XKR7: variants seen among roughly 807,000 people sequenced by gnomAD.
XKR7 encodes the protein XK-related protein 7.
A neutral mutation model predicts 42.2 loss-of-function variants in XKR7; 11 were observed. The ratio of observed to expected loss-of-function variants is 0.26; its 90% confidence interval spans 0.16 to 0.43. The LOEUF (loss-of-function observed/expected upper bound fraction) is 0.43, where lower values mean the gene tolerates loss of function less well. XKR7 is among the 20% of genes least tolerant of loss of function. XKR7 has a pLI of 1.00. For missense variants in XKR7, 710 were observed against 802.2 expected (o/e 0.89, Z 1.39); for synonymous variants, 346 against 366.4 (o/e 0.94, Z 0.64).
rs766713662 is a variant in XKR7 at position 31,996,650 on chromosome 20, C to T, written c.933C>T (p.Ala311=). ...TGCTGTGGCACCTGTTCAGCATTGC[C>T]GCCCGCGGCCTGGCCTTCGCGCTCT... The part of the protein sequence containing the change: ...AQVLWHLFSI[A]ARGLAFALFA... The change falls in exon 3 of 3, where the codon GCC becomes GCT. Residue 311 remains alanine (A), a synonymous_variant. Coordinates refer to ENST00000562532, the MANE Select transcript of XKR7 (RefSeq NM_001011718.2). 1.5e-5 allele frequency: 24 copies of T among 1,594,104 alleles called. No homozygotes were observed. The highest frequency in any genetic ancestry group is 2.2e-5 in the East Asian group (1 of 44,644).
chr20:31,983,714 A>G (rs2064524200), intron 1 of XKR7, among the ~76,000 whole-genome samples: 2 of 152,198 alleles, frequency 1.3e-5, no homozygotes, highest in African/African-American at 4.8e-5. Context: ...TGGGAGGCCG[A>G]GGCAGGCGGA....
At position 31,996,839 on chromosome 20, in the gene XKR7, C is replaced by A. The variant is rs367920055; in HGVS notation, c.1122C>A (p.Asn374Lys). 5 of 1,613,648 alleles carry A rather than the reference C, an allele frequency of 3.1e-6. No individual in the cohort carries two copies. The African/African-American group carries it at 5.3e-5, about 17-fold the overall frequency. Residue 374 changes from asparagine (N) to lysine (K), a missense_variant, in exon 3 of 3, where the codon AAC (asparagine) becomes AAA (lysine). Physicochemically the swap from Asn to Lys is moderately conservative, Grantham distance 94. Transcript: ENST00000562532. ...VGIIYIFCWFNVKEGRSRRRM... is the reference protein window; with the variant it reads ...VGIIYIFCWFKVKEGRSRRRM... ...TCATCTACATCTTCTGCTGGTTCAA[C>A]GTCAAGGAGGGCCGCAGCCGCCGCC...
intron 1 of XKR7, among the ~76,000 whole-genome samples, chr20:31,974,021 G>A (rs746129199): frequency 2.0e-5 from 3 of 151,918 alleles, no homozygotes; most frequent in East Asian, 1.9e-4. Flanking sequence ...GGTGAAAGCC[G>A]GTCTCTACTA....
In XKR7 at chr20:31,995,513, G is replaced by A. The variant is rs549989257; in HGVS notation, c.787+243G>A. Among the ~76,000 whole-genome samples the A allele has an allele frequency of 2.0e-5, 3 of 151,896 alleles. No homozygotes were observed. The highest frequency in any genetic ancestry group is 3.9e-4 in the East Asian group (2 of 5,136). ...AGGGACCTGGCCCCTCCACTCCCTC[G>A]ACACCCATCAGCCCCCCTGGGCGCT... On this transcript the variant is annotated intron_variant, in intron 2 of 2. Coordinates refer to ENST00000562532, the MANE Select transcript of XKR7 (RefSeq NM_001011718.2). The surrounding 1 kb of genome is among the most constrained non-coding windows in gnomAD (Gnocchi z 4.1).
intron 1 of XKR7, among the ~76,000 whole-genome samples, chr20:31,992,744 G>A (rs2064575304): frequency 6.6e-6 from 1 of 152,088 alleles, no homozygotes; most frequent in Non-Finnish European, 1.5e-5. Flanking sequence ...GGATGTTCCT[G>A]GCCTCATTTT....
chr20:31,994,749 G>A (rs527684371), intron 1 of XKR7, among the ~76,000 whole-genome samples: 1 of 152,254 alleles, frequency 6.6e-6, no homozygotes, highest in African/African-American at 2.4e-5. Context: ...GCTATTGTAA[G>A]CTCAGCGCAC....
At position 31,999,044 on chromosome 20, in the gene XKR7, A is replaced by ACCCCCCCCC. The variant is rs1568895998; in HGVS notation, c.*1588_*1589insCCCCCCCCC. ...AACCCAACCCACCCCCCACCCCCCC[A>ACCCCCCCCC]CACACACACTCCCACAGCAACTTAG... On this transcript the variant is annotated 3_prime_UTR_variant, in exon 3 of 3. Coordinates refer to ENST00000562532, the MANE Select transcript of XKR7 (RefSeq NM_001011718.2). 1 of 109,706 alleles carries ACCCCCCCCC rather than the reference A, an allele frequency of 9.1e-6. No individual in the cohort carries two copies. The highest frequency in any genetic ancestry group is 1.9e-5 in the Non-Finnish European group (1 of 53,738). 6.8% of individuals were successfully genotyped at this position (109,706 alleles called of 1,614,324 possible).
At chr20:31,990,832 C>T (rs2064567282) in intron 1 of XKR7, among the ~76,000 whole-genome samples, 1 of 152,092 alleles carries the variant, frequency 6.6e-6, no homozygotes, top group African/African-American at 2.4e-5. Context: ...TCTCACAGGC[C>T]CTTGGCAGAG....
At position 31,996,591 on chromosome 20, in the gene XKR7, C is replaced by G; in HGVS notation, c.874C>G (p.Arg292Gly). 1 of 1,547,370 alleles carries G rather than the reference C, an allele frequency of 6.5e-7. No individual in the cohort carries two copies. The highest frequency in any genetic ancestry group is 8.7e-7 in the Non-Finnish European group (1 of 1,149,324). Residue 292 changes from arginine (R) to glycine (G), a missense_variant, in exon 3 of 3, where the codon CGG (arginine) becomes GGG (glycine). By Grantham distance (125) the Arg-to-Gly change is moderately radical. Coordinates refer to ENST00000562532, the MANE Select transcript of XKR7 (RefSeq NM_001011718.2). ...KVLRDSRDDK[R>G]PLSYKGAVAQ... ...GCTGCGGGACTCGCGGGACGACAAG[C>G]GGCCGCTGTCCTACAAGGGCGCCGT...
At position 31,999,834 on chromosome 20, in the gene XKR7, G is replaced by T. The variant is rs1324861109; in HGVS notation, c.*2377G>T. 12 of 152,274 alleles carry T rather than the reference G, an allele frequency of 7.9e-5. No individual in the cohort carries two copies. The highest frequency in any genetic ancestry group is 7.9e-4 in the Admixed American group (12 of 15,282). 9.4% of individuals were successfully genotyped at this position (152,274 alleles called of 1,614,324 possible). A position where few individuals can be genotyped will look rare whatever the true frequency, so the allele number is the denominator to read the frequency against. ...CCTTGGCAAGTTATTCTCCTCCCCAGTATCCCAGAATGGCCCATCTGGCTG... is the reference window on the plus strand; with the variant it reads ...CCTTGGCAAGTTATTCTCCTCCCCATTATCCCAGAATGGCCCATCTGGCTG... On this transcript the variant is annotated 3_prime_UTR_variant, in exon 3 of 3. Transcript: ENST00000562532.
intron 1 of XKR7, among the ~76,000 whole-genome samples, chr20:31,972,681 G>A (rs955125972): frequency 6.6e-6 from 1 of 152,154 alleles, no homozygotes. Context: ...AGTGGGAGAC[G>A]ATCTGACATG....
In XKR7 at chr20:31,995,239, G is replaced by A; in HGVS notation, c.756G>A (p.Val252=). ...PQLVLQLSLL[V]HRGGAPDLLP... The stretch of plus-strand genomic sequence containing the variant: ...TAGTGCTGCAGCTCAGCCTGCTGGT[G>A]CACCGCGGTGGCGCGCCCGACCTGC... The change falls in exon 2 of 3, where the codon GTG becomes GTA. Residue 252 remains valine, a synonymous_variant. Coordinates refer to ENST00000562532, the MANE Select transcript of XKR7 (RefSeq NM_001011718.2). This position sits in a 1 kb window ranked among gnomAD's most constrained non-coding sequence, Gnocchi z 4.1. 1.3e-6 allele frequency: 2 copies of A among 1,540,300 alleles called. No individual in the cohort carries two copies. Among genetic ancestry groups the A allele is most frequent in the South Asian group, 1.2e-5 (1 of 83,760 alleles).
chr20:31,974,206 T>A (rs2064476157), intron 1 of XKR7, among the ~76,000 whole-genome samples: 1 of 151,248 alleles, frequency 6.6e-6, no homozygotes, highest in African/African-American at 2.4e-5. Context: ...AGAAAAAGCA[T>A]AAAAAAGAGA....
At chr20:31,990,761 C>T (rs2064566846) in intron 1 of XKR7, among the ~76,000 whole-genome samples, 1 of 150,884 alleles carries the variant, frequency 6.6e-6, no homozygotes, top group South Asian at 2.1e-4. Context: ...TAGTTTTTCC[C>T]TGTGTTTTGG....
chr20:31,987,880 A>C (rs1449984169), intron 1 of XKR7, among the ~76,000 whole-genome samples: 1 of 152,260 alleles, frequency 6.6e-6, no homozygotes, highest in Non-Finnish European at 1.5e-5. Context: ...CCACAGTCCA[A>C]GGGACAGGAT....
intron 1 of XKR7, among the ~76,000 whole-genome samples, chr20:31,977,705 G>T (rs1049799921): frequency 3.3e-5 from 5 of 152,168 alleles, no homozygotes; most frequent in African/African-American, 9.7e-5. Context: ...ACCCCCTATC[G>T]AGGAAGGAGA....
chr20:31,996,420 G>C (rs2064591514), intron 2 of XKR7, 85 bp from the exon 3 acceptor site: 5 of 1,024,594 alleles, frequency 4.9e-6, no homozygotes, highest in South Asian at 2.0e-5. Flanking sequence ...CCCAGCTCCT[G>C]ACCCAGAACC....
chr20:31,968,537 G>T lies in XKR7; in HGVS notation c.362G>T (p.Gly121Val), dbSNP rs920686009. Residue 121 changes from glycine (G) to valine (V), a missense_variant, in exon 1 of 3, where the codon GGG becomes GTG. By Grantham distance (109) the Gly-to-Val change is moderately radical. Coordinates refer to ENST00000562532, the MANE Select transcript of XKR7 (RefSeq NM_001011718.2). The surrounding 1 kb of genome is among the most constrained non-coding windows in gnomAD (Gnocchi z 4.5). ...GTCTACGACTACTCGGAGCCCGCAG[G>T]GTCCCCGGGACCCGCCGTCAGCACC... ...WFVYDYSEPAGSPGPAVSTKD... is the reference protein window; with the variant it reads ...WFVYDYSEPAVSPGPAVSTKD... 6.2e-7 allele frequency: 1 copy of T among 1,608,244 alleles called. No homozygotes were observed. The highest frequency in any genetic ancestry group is 1.3e-5 in the African/African-American group (1 of 74,982).
intron 1 of XKR7, among the ~76,000 whole-genome samples, chr20:31,992,921 A>G (rs1320591683): frequency 6.6e-6 from 1 of 152,120 alleles, no homozygotes; most frequent in African/African-American, 2.4e-5. Flanking sequence ...ACATCCAGGG[A>G]GAACTGTGAC....
Sources: gnomAD v4.1 joint callset for allele counts (sites outside exome capture counted in the v4.1 genomes callset) on GRCh38, gnomAD v4.1.1 for gene constraint, Gnocchi (gnomAD v3.1) non-coding constraint, MANE v1.5 for transcripts, NCBI Gene and HGNC (gene_info 2026-07-23, HGNC 2026-07-21) for gene names.